ABCC4: variants seen among roughly 807,000 people sequenced by gnomAD.
The protein encoded by ABCC4 is ATP-binding cassette sub-family C member 4.
ABCC4 carries 102 observed loss-of-function variants against 168.5 expected under a neutral mutation model. The observed-to-expected ratio is 0.61, with a 90% CI of 0.52 to 0.71. The LOEUF (loss-of-function observed/expected upper bound fraction) is 0.71. Ranked by LOEUF, ABCC4 falls within the 30% of genes least tolerant of loss-of-function variation. The pLI, the probability that ABCC4 is intolerant of heterozygous loss-of-function variation, is 0.00. For synonymous variants in ABCC4, 617 were observed against 590.7 expected, an observed-to-expected ratio of 1.04 and a Z score of -0.65; for missense variants, 1,402 against 1,605.8, an observed-to-expected ratio of 0.87 and a Z score of 2.17.
At chr13:95,111,083 G>A (rs113412357) in intron 20 of ABCC4, among the ~76,000 whole-genome samples, 6,442 of 151,160 alleles carry the variant, frequency 0.043, 200 homozygotes, top group Middle Eastern at 0.099. Context: ...GTTGATTTAC[G>A]CAAACATACT....
At chr13:95,201,900 G>T (rs1221710656) in intron 8 of ABCC4, among the ~76,000 whole-genome samples, 1 of 152,160 alleles carries the variant, frequency 6.6e-6, no homozygotes, top group Admixed American at 6.5e-5. Flanking sequence ...TTGAACCCGG[G>T]AAGTAGAGGT....
At chr13:95,234,086 A>C (rs2039695411) in intron 4 of ABCC4, among the ~76,000 whole-genome samples, 1 of 152,272 alleles carries the variant, frequency 6.6e-6, no homozygotes, top group Non-Finnish European at 1.5e-5. Context: ...AAAAAATATA[A>C]GAATTCCCTT....
chr13:95,027,641 G>T (rs1566353886), intron 30 of ABCC4, among the ~76,000 whole-genome samples: 1 of 152,180 alleles, frequency 6.6e-6, no homozygotes, highest in Admixed American at 6.5e-5. Flanking sequence ...CTAAAATTTG[G>T]TGGTAGGATG....
At chr13:95,199,549 T>C (rs895941036) in intron 8 of ABCC4, among the ~76,000 whole-genome samples, 23 of 152,168 alleles carry the variant, frequency 1.5e-4, no homozygotes, top group African/African-American at 5.1e-4. Context: ...TTTGCAGCCA[T>C]AAGGACGAAA....
rs180903977 is a variant in ABCC4 at position 95,191,352 on chromosome 13, G to A, written c.1264-2810C>T. The stretch of plus-strand genomic sequence containing the variant: ...TCCCATACCACATCATAGGATGGCC[G>A]CAGACCAAAACGATCATGATCCCTT... On this transcript the variant is annotated intron_variant, in intron 9 of 30. Transcript: ENST00000645237. Among the ~76,000 whole-genome samples, 39 of 152,192 alleles carry A rather than the reference G, an allele frequency of 2.6e-4. 1 individual carries two copies. The highest frequency in any genetic ancestry group is 3.8e-4 in the Non-Finnish European group (26 of 68,010).
chr13:95,054,951 A>C (rs2032999841), intron 26 of ABCC4, among the ~76,000 whole-genome samples: 1 of 152,224 alleles, frequency 6.6e-6, no homozygotes, highest in African/African-American at 2.4e-5. Context: ...TGCCACCAAA[A>C]ACATAAGTCC....
intron 10 of ABCC4, among the ~76,000 whole-genome samples, chr13:95,187,387 T>C (rs916114512): frequency 1.3e-5 from 2 of 152,098 alleles, no homozygotes; most frequent in Admixed American, 6.5e-5. Flanking sequence ...GGTGGATGAC[T>C]TGAGGCCAGG....
chr13:95,053,246 T>G, intron 26 of ABCC4, 62 bp from the exon 27 acceptor site: 1 of 1,245,040 alleles, frequency 8.0e-7, no homozygotes. Context: ...ATTCCAATGC[T>G]AACATCAACA....
At chr13:95,089,239 G>T (rs536533579) in intron 20 of ABCC4, among the ~76,000 whole-genome samples, 9 of 152,104 alleles carry the variant, frequency 5.9e-5, no homozygotes, top group Non-Finnish European at 1.3e-4. Flanking sequence ...TTTTGCAGAA[G>T]TTTTATCAAA....
At chr13:95,079,895 T>C (rs1729753) in intron 21 of ABCC4, among the ~76,000 whole-genome samples, 128,131 of 152,208 alleles carry the variant, frequency 0.84, 55,698 homozygotes, top group Non-Finnish European at 0.95. Flanking sequence ...AAGTAAGCCA[T>C]GCAAGTGGTA....
intron 19 of ABCC4, among the ~76,000 whole-genome samples, chr13:95,149,465 GAGA>G (rs1270083986): frequency 5.3e-5 from 8 of 151,866 alleles, no homozygotes; most frequent in Non-Finnish European, 7.4e-5. Context: ...TCTCCAAAAA[GAGA>G]AGAAGAATAC....
chr13:95,041,681 AAAAC>A (rs1306989671), intron 29 of ABCC4, among the ~76,000 whole-genome samples: 7 of 152,216 alleles, frequency 4.6e-5, no homozygotes, highest in South Asian at 2.1e-4. Context: ...ACAAGGGGAA[AAAAC>A]AAACAAACAA....
intron 28 of ABCC4, 66 bp from the exon 29 acceptor site, chr13:95,043,853 C>T: frequency 9.3e-7 from 1 of 1,071,416 alleles, no homozygotes. Context: ...ACTTAAAAAG[C>T]TCTACTTCAC....
chr13:95,156,196 T>C (rs1194713025), intron 19 of ABCC4, among the ~76,000 whole-genome samples: 1 of 152,174 alleles, frequency 6.6e-6, no homozygotes, highest in Non-Finnish European at 1.5e-5. Context: ...CAGGACAACA[T>C]CAGAAAAATA....
At chr13:95,131,401 G>A (rs2035957468) in intron 19 of ABCC4, among the ~76,000 whole-genome samples, 1 of 152,142 alleles carries the variant, frequency 6.6e-6, no homozygotes. Flanking sequence ...GCTGAGGTGG[G>A]CAGATCACCT....
At chr13:95,072,052 T>C (rs2033744390) in intron 24 of ABCC4, among the ~76,000 whole-genome samples, 199 bp from the exon 25 acceptor site, 2 of 152,232 alleles carry the variant, frequency 1.3e-5, no homozygotes, top group Non-Finnish European at 2.9e-5. Flanking sequence ...CCTTCAACAT[T>C]AGGTTAAAAG....
intron 3 of ABCC4, among the ~76,000 whole-genome samples, chr13:95,237,453 T>C (rs974608728): frequency 2.0e-5 from 3 of 152,212 alleles, no homozygotes; most frequent in African/African-American, 7.2e-5. Flanking sequence ...ATCTATGACC[T>C]GGTGAAGAGT....
rs1412653463 is a variant in ABCC4 at position 95,137,437 on chromosome 13, A to G, written c.2456-21436T>C. Among the ~76,000 whole-genome samples the G allele has an allele frequency of 2.0e-5, 3 of 152,250 alleles. No individual in the cohort carries two copies. The East Asian group carries it at 5.8e-4, about 29-fold the overall frequency. Reference sequence around the variant, plus strand: ...TTCCCATTTAGATGGTAGATACTGCATATTTTGAAAATAATATAGAAAATG... The same window carrying G: ...TTCCCATTTAGATGGTAGATACTGCGTATTTTGAAAATAATATAGAAAATG... On this transcript the variant is annotated intron_variant, in intron 19 of 30. Transcript: ENST00000645237.
intron 19 of ABCC4, among the ~76,000 whole-genome samples, chr13:95,130,428 C>T (rs757231038): frequency 2.0e-5 from 3 of 152,150 alleles, no homozygotes; most frequent in Non-Finnish European, 2.9e-5. Flanking sequence ...TGACAGTACA[C>T]AATGATTACT....
Sources: gnomAD v4.1 joint callset for allele counts (sites outside exome capture counted in the v4.1 genomes callset) on GRCh38, gnomAD v4.1.1 for gene constraint, MANE v1.5 for transcripts, NCBI Gene and HGNC (gene_info 2026-07-23, HGNC 2026-07-21) for gene names.